Variants in ZNF445 observed in about 807,000 individuals in gnomAD.
ZNF445 encodes zinc finger protein 445.
ZNF445 carries 19 observed loss-of-function variants against 93.9 expected under a neutral mutation model. The ratio of observed to expected loss-of-function variants is 0.20; its 90% confidence interval spans 0.14 to 0.30. The LOEUF (loss-of-function observed/expected upper bound fraction) is 0.30. Among genes scored for constraint, ZNF445 ranks in the 10% least tolerant of loss-of-function variants. The probability of loss-of-function intolerance (pLI) is 1.00; values close to 1 mark genes in which losing one functional copy is unlikely to be tolerated. For synonymous variants in ZNF445, 449 were observed against 446.3 expected, an observed-to-expected ratio of 1.01 and a Z score of -0.08; for missense variants, 1,058 against 1,259.4, an observed-to-expected ratio of 0.84 and a Z score of 2.42.
At chr3:44,450,282 C>T in intron 6 of ZNF445, 165 bp downstream of exon 6, 1 of 779,590 alleles carries the variant, frequency 1.3e-6, no homozygotes. Context: ...GCATTATTCT[C>T]CCCATTTTTC....
intron 1 of ZNF445, among the ~76,000 whole-genome samples, chr3:44,471,221 C>A (rs1370841487): frequency 6.6e-6 from 1 of 152,194 alleles, no homozygotes; most frequent in Non-Finnish European, 1.5e-5. Context: ...TCATCAGTAT[C>A]TTCTTGTCCC....
In ZNF445 at chr3:44,434,938, G is replaced by A. The variant is rs1195987825; in HGVS notation, c.*11637C>T. The A allele has an allele frequency of 1.3e-5, 2 of 152,150 alleles. No homozygotes were observed. The highest frequency in any genetic ancestry group is 1.3e-4 in the Admixed American group (2 of 15,276). 9.4% of individuals were successfully genotyped at this position (152,150 alleles called of 1,614,324 possible). A position where few individuals can be genotyped will look rare whatever the true frequency, so the allele number is the denominator to read the frequency against. On this transcript the variant is annotated 3_prime_UTR_variant, in exon 8 of 8. Transcript: ENST00000396077. ...GCTACCTTATAGATAACATTTATAA[G>A]TCACCATAACAACCACTTATTTTTC...
rs775405102 is a variant in ZNF445 at position 44,447,605 on chromosome 3, G to A, written c.2066C>T (p.Thr689Ile). 1.9e-6 allele frequency: 3 copies of A among 1,614,010 alleles called. No homozygotes were observed. Among genetic ancestry groups the A allele is most frequent in the Non-Finnish European group, 2.5e-6 (3 of 1,180,036 alleles). Residue 689 changes from threonine (T) to isoleucine (I), a missense_variant, in exon 8 of 8, where the codon ACT (threonine) becomes ATT (isoleucine). By Grantham distance (89) the Thr-to-Ile change is moderately conservative. This residue lies in a region of ZNF445 where 387 missense variants were observed against 475.7 expected (regional missense o/e 0.81). Transcript: ENST00000396077. This position sits in a 1 kb window ranked among gnomAD's most constrained non-coding sequence, Gnocchi z 4.7. The stretch of plus-strand genomic sequence containing the variant: ...AACGAGAGTTTTCTTTCTAGTAAAA[G>A]TTTTCCCACACTGCTGACACAGAAA... ...KTFLCQQCGK[T>I]FTRKKTLVDH...
Position 44,477,373 on chromosome 3 carries a change from C to T in ZNF445, c.-269+218G>A, listed in dbSNP as rs542580684. 5.3e-5 allele frequency among the ~76,000 whole-genome samples: 8 copies of T among 152,334 alleles called. No individual in the cohort carries two copies. The East Asian group carries it at 9.6e-4, about 18-fold the overall frequency. ...GAGAAAGCCCGGAGAAACCCGGGCT[C>T]CAGATTCTCTACCCCGGACGCCTGG... On this transcript the variant is annotated intron_variant, in intron 1 of 7. Coordinates refer to ENST00000396077, the MANE Select transcript of ZNF445 (RefSeq NM_181489.6).
Position 44,435,811 on chromosome 3 carries a change from G to C in ZNF445, c.*10764C>G, listed in dbSNP as rs1697668177. On this transcript the variant is annotated 3_prime_UTR_variant, in exon 8 of 8. Coordinates refer to ENST00000396077, the MANE Select transcript of ZNF445 (RefSeq NM_181489.6). ...TAGATCTACTGTGAGATGAATCTGA[G>C]CCAAAAAGCCCATTGATCACCTGAC... 1 of 152,062 alleles carries C rather than the reference G, an allele frequency of 6.6e-6. No individual in the cohort carries two copies. The highest frequency in any genetic ancestry group is 6.5e-5 in the Admixed American group (1 of 15,268). The allele number at this position is 152,062 out of a possible 1,614,324, so 9.4% of individuals were successfully genotyped here.
In ZNF445 at chr3:44,437,486, A is replaced by G. The variant is rs1246615453; in HGVS notation, c.*9089T>C. The G allele has an allele frequency of 2.0e-5, 3 of 152,124 alleles. No homozygotes were observed. The highest frequency in any genetic ancestry group is 1.5e-5 in the Non-Finnish European group (1 of 68,028). 9.4% of individuals were successfully genotyped at this position (152,124 alleles called of 1,614,324 possible). On this transcript the variant is annotated 3_prime_UTR_variant, in exon 8 of 8. Coordinates refer to ENST00000396077, the MANE Select transcript of ZNF445 (RefSeq NM_181489.6). The stretch of plus-strand genomic sequence containing the variant: ...GATTCAGGGCAAGTCCGCAGTGCAA[A>G]GCAAAAACAAGTTTATTAAGAAAGT...
chr3:44,477,102 GT>G (rs11337163), intron 1 of ZNF445, among the ~76,000 whole-genome samples: 1,841 of 152,258 alleles, frequency 0.012, 33 homozygotes, highest in African/African-American at 0.042. Context: ...AATGTTATGT[GT>G]TATTTTGGCA....
intron 3 of ZNF445, among the ~76,000 whole-genome samples, chr3:44,452,768 C>T (rs1209309260): frequency 2.6e-5 from 4 of 151,942 alleles, no homozygotes; most frequent in Admixed American, 2.0e-4. Flanking sequence ...AAATAGTACC[C>T]CATGTTGTGC....
chr3:44,474,281 G>A (rs1285555647), intron 1 of ZNF445, among the ~76,000 whole-genome samples: 2 of 152,154 alleles, frequency 1.3e-5, no homozygotes, highest in African/African-American at 2.4e-5. Context: ...CTGGGAGGCT[G>A]AGGTGGGCAG....
chr3:44,451,626 G>T lies in ZNF445; in HGVS notation c.430-144C>A, dbSNP rs371035093. On this transcript the variant is annotated intron_variant, in intron 3 of 7. Transcript: ENST00000396077. ...TTTATTACTTCCAGGCAGGAGGAAA[G>T]GGCAAGAAGAACGCCCAGGGAGGTA... 24 of 917,550 alleles carry T rather than the reference G, an allele frequency of 2.6e-5. No homozygotes were observed. The East Asian group carries it at 6.1e-4, about 23-fold the overall frequency. The allele number at this position is 917,550 out of a possible 1,614,324, so 56.8% of individuals were successfully genotyped here. A position where few individuals can be genotyped will look rare whatever the true frequency, so the allele number is the denominator to read the frequency against.
Position 44,442,135 on chromosome 3 carries a change from A to T in ZNF445, c.*4440T>A, listed in dbSNP as rs1697820202. On this transcript the variant is annotated 3_prime_UTR_variant, in exon 8 of 8. Transcript: ENST00000396077. Reference sequence around the variant, plus strand: ...TTTACACTAAGGGTACCTTGTATGTAGCTTCACCAACTTTCTCAGCATAAT... The same window carrying T: ...TTTACACTAAGGGTACCTTGTATGTTGCTTCACCAACTTTCTCAGCATAAT... 6.6e-6 allele frequency: 1 copy of T among 152,206 alleles called. No homozygotes were observed. Among genetic ancestry groups the T allele is most frequent in the South Asian group, 2.1e-4 (1 of 4,832 alleles). The allele number at this position is 152,206 out of a possible 1,614,324, so 9.4% of individuals were successfully genotyped here. A position where few individuals can be genotyped will look rare whatever the true frequency, so the allele number is the denominator to read the frequency against.
chr3:44,464,382 C>G lies in ZNF445; in HGVS notation c.-268-6018G>C, dbSNP rs140504587. Among the ~76,000 whole-genome samples the G allele has an allele frequency of 3.3e-3, 507 of 152,286 alleles. 2 individuals are homozygous for G. Among genetic ancestry groups the G allele is most frequent in the African/African-American group, 0.012 (484 of 41,566 alleles). The stretch of plus-strand genomic sequence containing the variant: ...AGAAACTGGCAAATGAAAAATCTTA[C>G]AAGGGCTGAATCTTCTGTGTATTTC... On this transcript the variant is annotated intron_variant, in intron 1 of 7. Coordinates refer to ENST00000396077, the MANE Select transcript of ZNF445 (RefSeq NM_181489.6).
chr3:44,477,309 C>G (rs1003706895), intron 1 of ZNF445, among the ~76,000 whole-genome samples: 1 of 152,226 alleles, frequency 6.6e-6, no homozygotes, highest in Non-Finnish European at 1.5e-5. Context: ...ATCTAATTGT[C>G]TCTGATAAAT....
chr3:44,476,500 A>G (rs966385058), intron 1 of ZNF445, among the ~76,000 whole-genome samples: 3 of 152,036 alleles, frequency 2.0e-5, no homozygotes, highest in Non-Finnish European at 2.9e-5. Flanking sequence ...CACACAACAC[A>G]TGGAGGCTCT....
At chr3:44,453,759 C>G (rs1161893097) in intron 3 of ZNF445, among the ~76,000 whole-genome samples, 1 of 152,210 alleles carries the variant, frequency 6.6e-6, no homozygotes, top group Admixed American at 6.5e-5. Flanking sequence ...AGGCCTGGGA[C>G]TGCCAACTCT....
At chr3:44,453,388 A>T (rs1697982972) in intron 3 of ZNF445, among the ~76,000 whole-genome samples, 1 of 148,200 alleles carries the variant, frequency 6.7e-6, no homozygotes, top group Non-Finnish European at 1.5e-5. Flanking sequence ...TCCACCTTCC[A>T]GGTTCAAGCA....
In ZNF445 at chr3:44,441,356, C is replaced by T. The variant is rs1228717689; in HGVS notation, c.*5219G>A. ...TCTTGGTTTTGACCGGCTTCTTTAC[C>T]ACATGCTGTTTTATTGGCAAGGTCT... On this transcript the variant is annotated 3_prime_UTR_variant, in exon 8 of 8. Coordinates refer to ENST00000396077, the MANE Select transcript of ZNF445 (RefSeq NM_181489.6). The T allele has an allele frequency of 6.6e-6, 1 of 152,176 alleles. No homozygotes were observed. Among genetic ancestry groups the T allele is most frequent in the Non-Finnish European group, 1.5e-5 (1 of 68,038 alleles). The allele number at this position is 152,176 out of a possible 1,614,324, so 9.4% of individuals were successfully genotyped here.
chr3:44,466,076 G>A (rs1265787022), intron 1 of ZNF445, among the ~76,000 whole-genome samples: 4 of 152,120 alleles, frequency 2.6e-5, no homozygotes, highest in Admixed American at 2.6e-4. Flanking sequence ...GTAAATGGCA[G>A]GGAAAAAATG....
At chr3:44,461,118 C>T (rs1175249201) in intron 1 of ZNF445, among the ~76,000 whole-genome samples, 1 of 152,120 alleles carries the variant, frequency 6.6e-6, no homozygotes, top group African/African-American at 2.4e-5. Flanking sequence ...AGAGTGTCTG[C>T]ATTGGTGAGT....
Sources: gnomAD v4.1 joint callset for allele counts (sites outside exome capture counted in the v4.1 genomes callset) on GRCh38, gnomAD v4.1.1 for gene constraint, gnomAD v4.1.1 regional missense constraint, Gnocchi (gnomAD v3.1) non-coding constraint, MANE v1.5 for transcripts, NCBI Gene and HGNC (gene_info 2026-07-23, HGNC 2026-07-21) for gene names.